Variants in PTPRT observed in about 807,000 individuals in gnomAD.
PTPRT encodes receptor-type tyrosine-protein phosphatase T.
A neutral mutation model predicts 176.8 loss-of-function variants in PTPRT; 56 were observed. The observed-to-expected ratio is 0.32, with a 90% CI of 0.26 to 0.40. The LOEUF (loss-of-function observed/expected upper bound fraction) is 0.40, where lower values mean the gene tolerates loss of function less well. Among genes scored for constraint, PTPRT ranks in the 10% least tolerant of loss-of-function variants. The probability of loss-of-function intolerance (pLI) is 1.00; values close to 1 mark genes in which losing one functional copy is unlikely to be tolerated. For missense variants in PTPRT, 1,540 were observed against 1,908.2 expected (o/e 0.81, Z 3.60); for synonymous variants, 783 against 739.0 (o/e 1.06, Z -0.96).
intron 7 of PTPRT, among the ~76,000 whole-genome samples, chr20:42,644,574 A>C (rs961738358): frequency 6.6e-6 from 1 of 152,078 alleles, no homozygotes; most frequent in Non-Finnish European, 1.5e-5. Flanking sequence ...GGATGCAATG[A>C]AGAATAAGGT....
Position 42,448,094 on chromosome 20 carries a change from A to G in PTPRT, c.1560+126T>C. On this transcript the variant is annotated intron_variant, in intron 9 of 30. Transcript: ENST00000373187. ...TGTTTGCACCCCATTGTACTGTCAGAAACCTTTTGGTATGTCTCATCTTAC... is the reference window on the plus strand; with the variant it reads ...TGTTTGCACCCCATTGTACTGTCAGGAACCTTTTGGTATGTCTCATCTTAC... 3.9e-6 allele frequency: 3 copies of G among 765,186 alleles called. No homozygotes were observed. In the Admixed American group the frequency reaches 6.0e-5, roughly 15 times the overall value. The allele number at this position is 765,186 out of a possible 1,614,324, so 47.4% of individuals were successfully genotyped here. A position where few individuals can be genotyped will look rare whatever the true frequency, so the allele number is the denominator to read the frequency against.
In PTPRT at chr20:42,141,928, C is replaced by T. The variant is rs569160745; in HGVS notation, c.2757G>A (p.Gly919=). 2.5e-6 allele frequency: 4 copies of T among 1,613,892 alleles called. No homozygotes were observed. In the East Asian group the frequency reaches 8.9e-5, roughly 36 times the overall value. The stretch of plus-strand genomic sequence containing the variant: ...AAGGGCACCTACAGGATATGATGTT[C>T]CCATATCGATTCTTATTGCGGTTTT... ...EDENRNKNRY[G]NIISYDHSRV... Residue 919 remains glycine (G), a synonymous_variant, in exon 18 of 31, where the codon GGG becomes GGA. Coordinates refer to ENST00000373187, the MANE Select transcript of PTPRT (RefSeq NM_007050.6).
In PTPRT at chr20:42,080,859, A is replaced by G. The variant is rs773049487; in HGVS notation, c.*20T>C. On this transcript the variant is annotated 3_prime_UTR_variant, in exon 31 of 31. Coordinates refer to ENST00000373187, the MANE Select transcript of PTPRT (RefSeq NM_007050.6). ...GTCACAGCAGCCTCTGGACTCCGGCAGGTTCCCCATCCCATTGAGCTAAAA... is the reference window on the plus strand; with the variant it reads ...GTCACAGCAGCCTCTGGACTCCGGCGGGTTCCCCATCCCATTGAGCTAAAA... The G allele has an allele frequency of 6.2e-7, 1 of 1,600,188 alleles. No individual in the cohort carries two copies. Among genetic ancestry groups the G allele is most frequent in the South Asian group, 1.1e-5 (1 of 90,756 alleles).
At chr20:42,094,944 G>A (rs1233918076) in intron 27 of PTPRT, among the ~76,000 whole-genome samples, 2 of 152,096 alleles carry the variant, frequency 1.3e-5, no homozygotes, top group Non-Finnish European at 2.9e-5. Flanking sequence ...TCTTTAACTC[G>A]TGGCCTCAAC....
chr20:43,032,405 G>A (rs149534881), intron 1 of PTPRT, among the ~76,000 whole-genome samples: 1 of 148,960 alleles, frequency 6.7e-6, no homozygotes, highest in African/African-American at 2.5e-5. Flanking sequence ...TCCTGGGGGA[G>A]CAAAAGAGCC....
intron 18 of PTPRT, among the ~76,000 whole-genome samples, chr20:42,135,507 A>G (rs1181530656): frequency 1.3e-5 from 2 of 152,146 alleles, no homozygotes; most frequent in African/African-American, 2.4e-5. Context: ...GGTGATTCTG[A>G]TACACGTTCA....
rs113204129 is a variant in PTPRT at position 42,789,807 on chromosome 20, G to A, written c.486+1388C>T. On this transcript the variant is annotated intron_variant, in intron 3 of 30. Coordinates refer to ENST00000373187, the MANE Select transcript of PTPRT (RefSeq NM_007050.6). ...ATTGAGTATTAAATTCTGATTTCTC[G>A]TTACCAAGGCAAAAGGGAAATAAAG... 2.5e-3 allele frequency among the ~76,000 whole-genome samples: 381 copies of A among 152,236 alleles called. 2 individuals are homozygous for A. Among genetic ancestry groups the A allele is most frequent in the African/African-American group, 7.9e-3 (330 of 41,540 alleles).
chr20:42,615,382 T>C (rs2074054908), intron 7 of PTPRT, among the ~76,000 whole-genome samples: 1 of 138,112 alleles, frequency 7.2e-6, no homozygotes, highest in Non-Finnish European at 1.5e-5. Flanking sequence ...TTGTGAATAA[T>C]GCTGCAATAA....
chr20:42,938,281 C>G (rs1379468746), intron 1 of PTPRT, among the ~76,000 whole-genome samples: 1 of 152,078 alleles, frequency 6.6e-6, no homozygotes, highest in Non-Finnish European at 1.5e-5. Flanking sequence ...AAACAGTTTC[C>G]ATAAAATCAA....
At position 42,229,884 on chromosome 20, in the gene PTPRT, C is replaced by T. The variant is rs571113442; in HGVS notation, c.2342+6345G>A. On this transcript the variant is annotated intron_variant, in intron 15 of 30. Coordinates refer to ENST00000373187, the MANE Select transcript of PTPRT (RefSeq NM_007050.6). The stretch of plus-strand genomic sequence containing the variant: ...TTTTTTCTTTTCAAGAACAGAGTAC[C>T]ACCCTGTTGACTTTAGCTGTATGTC... Among the ~76,000 whole-genome samples, 184 of 152,126 alleles carry T rather than the reference C, an allele frequency of 1.2e-3. 1 individual carries two copies. The highest frequency in any genetic ancestry group is 2.0e-3 in the Non-Finnish European group (135 of 68,012).
At chr20:42,704,961 T>G (rs1469331889) in intron 6 of PTPRT, among the ~76,000 whole-genome samples, 1 of 152,024 alleles carries the variant, frequency 6.6e-6, no homozygotes, top group Non-Finnish European at 1.5e-5. Context: ...ATCCCAGCAC[T>G]TTGGGAGATT....
chr20:42,678,277 A>T, intron 6 of PTPRT, 118 bp from the exon 7 acceptor site: 2 of 914,050 alleles, frequency 2.2e-6, no homozygotes, highest in East Asian at 2.8e-5. Context: ...ATAGTCAGAA[A>T]CCCCTTTTTG....
intron 9 of PTPRT, among the ~76,000 whole-genome samples, chr20:42,372,697 A>G (rs939741517): frequency 6.6e-6 from 1 of 152,174 alleles, no homozygotes; most frequent in South Asian, 2.1e-4. Context: ...AAAAGATAAT[A>G]TTAAAAGGTG....
At chr20:42,296,921 T>C (rs559672408) in intron 12 of PTPRT, among the ~76,000 whole-genome samples, 1 of 152,152 alleles carries the variant, frequency 6.6e-6, no homozygotes, top group Non-Finnish European at 1.5e-5. Context: ...TATCAAAATG[T>C]CTCATTTACC....
At chr20:43,027,696 A>G (rs1423994313) in intron 1 of PTPRT, among the ~76,000 whole-genome samples, 1 of 152,160 alleles carries the variant, frequency 6.6e-6, no homozygotes, top group Non-Finnish European at 1.5e-5. Context: ...AGCCCCCAGA[A>G]CTGTGAGAAA....
intron 1 of PTPRT, among the ~76,000 whole-genome samples, chr20:42,890,611 G>A (rs1032805845): frequency 3.9e-5 from 6 of 152,114 alleles, no homozygotes; most frequent in African/African-American, 1.4e-4. Context: ...AGAGGAGGAG[G>A]AGAAATTAAA....
At chr20:43,125,287 A>G (rs2013400110) in intron 1 of PTPRT, among the ~76,000 whole-genome samples, 1 of 151,938 alleles carries the variant, frequency 6.6e-6, no homozygotes, top group African/African-American at 2.4e-5. Flanking sequence ...GTTGTCAGCC[A>G]CCGTGCTGGG....
intron 7 of PTPRT, among the ~76,000 whole-genome samples, chr20:42,484,902 G>C (rs773412629): frequency 6.6e-6 from 1 of 152,144 alleles, no homozygotes; most frequent in Non-Finnish European, 1.5e-5. Context: ...CCTCCTAGCT[G>C]CCACATTCTG....
chr20:42,920,297 A>G (rs147269786), intron 1 of PTPRT, among the ~76,000 whole-genome samples: 12 of 152,346 alleles, frequency 7.9e-5, no homozygotes, highest in African/African-American at 1.4e-4. Context: ...CAAGCACAAA[A>G]GACTATATGC....
Sources: allele counts gnomAD v4.1 joint callset (sites outside exome capture counted in the v4.1 genomes callset), GRCh38; gene constraint gnomAD v4.1.1; transcripts MANE v1.5; gene names NCBI Gene and HGNC (gene_info 2026-07-23, HGNC 2026-07-21).